The following RAB5C variants were observed in gnomAD, a reference collection of about 807,000 sequenced individuals.
The protein encoded by RAB5C is RAB5C, member RAS oncogene family, also known as ras-related protein Rab-5C.
A neutral mutation model predicts 25.2 loss-of-function variants in RAB5C; 4 were observed. The observed-to-expected ratio is 0.16, with a 90% CI of 0.08 to 0.36. The LOEUF (loss-of-function observed/expected upper bound fraction) is 0.36. Among genes scored for constraint, RAB5C ranks in the 10% least tolerant of loss-of-function variants. The pLI is 1.00. For synonymous variants in RAB5C, 100 were observed against 106.4 expected (o/e 0.94, Z 0.37); for missense variants, 199 against 283.8 (o/e 0.70, Z 2.15).
At chr17:42,132,927 A>G (rs2054500773) in intron 1 of RAB5C, among the ~76,000 whole-genome samples, 1 of 152,148 alleles carries the variant, frequency 6.6e-6, no homozygotes, top group African/African-American at 2.4e-5. Context: ...CAGACCCACC[A>G]TAGACATGAT....
rs1347498911 is a variant in RAB5C at position 42,150,161 on chromosome 17, A to T, written c.-89+4732T>A. Among the ~76,000 whole-genome samples, 2 of 151,986 alleles carry T rather than the reference A, an allele frequency of 1.3e-5. 1 individual carries two copies. Among genetic ancestry groups the T allele is most frequent in the African/African-American group, 4.8e-5 (2 of 41,390 alleles). On this transcript the variant is annotated intron_variant, in intron 1 of 5. Coordinates refer to ENST00000346213, the MANE Select transcript of RAB5C (RefSeq NM_004583.4). ...CAGCCTTCCAAAGTGCTAGGATTAT[A>T]GGCGTGATCCACCACACCTGGCCCC...
In RAB5C at chr17:42,128,989, G is replaced by T. The variant is rs528666960; in HGVS notation, c.167-189C>A. 9.0e-4 allele frequency among the ~76,000 whole-genome samples: 137 copies of T among 152,148 alleles called. 1 individual carries two copies. Among genetic ancestry groups the T allele is most frequent in the African/African-American group, 3.0e-3 (124 of 41,508 alleles). ...TGGATTTTTATGTATGTGTCTGGGG[G>T]ACGGGGTCTGCACAGGCTTTGCAGA... On this transcript the variant is annotated intron_variant, in intron 2 of 5. Transcript: ENST00000346213.
intron 1 of RAB5C, among the ~76,000 whole-genome samples, chr17:42,138,721 TCCA>T (rs2054562375): frequency 6.6e-6 from 1 of 152,120 alleles, no homozygotes; most frequent in African/African-American, 2.4e-5. Context: ...AGACACCAAC[TCCA>T]CCAATACCTG....
chr17:42,129,491 A>G (rs1023365423), intron 2 of RAB5C, among the ~76,000 whole-genome samples: 4 of 152,196 alleles, frequency 2.6e-5, no homozygotes, highest in African/African-American at 7.2e-5. Flanking sequence ...ACATGCTTCA[A>G]AGGAGGAGTC....
intron 1 of RAB5C, chr17:42,131,738 T>TTA (rs2054488518): frequency 7.8e-6 from 7 of 900,672 alleles, no homozygotes; most frequent in African/African-American, 1.7e-5. Flanking sequence ...AATCACTTGG[T>TTA]TAGTGACAGC....
intron 1 of RAB5C, among the ~76,000 whole-genome samples, chr17:42,153,961 G>C (rs1331378686): frequency 1.3e-5 from 2 of 152,214 alleles, no homozygotes; most frequent in Non-Finnish European, 2.9e-5. Flanking sequence ...TCAGGGAGGT[G>C]TATGTGTGTG....
chr17:42,137,523 G>A (rs1245300585), intron 1 of RAB5C, among the ~76,000 whole-genome samples: 1 of 152,150 alleles, frequency 6.6e-6, no homozygotes, highest in African/African-American at 2.4e-5. Context: ...GCTTGGAAAC[G>A]ATATGAATGC....
chr17:42,150,226 A>G (rs1198001168), intron 1 of RAB5C, among the ~76,000 whole-genome samples: 1 of 151,910 alleles, frequency 6.6e-6, no homozygotes, highest in Non-Finnish European at 1.5e-5. Flanking sequence ...CGATCCTCCC[A>G]AAGTGCTAGG....
rs59906037 is a variant in RAB5C at position 42,131,031 on chromosome 17, T to A, written c.-88-441A>T. On this transcript the variant is annotated intron_variant, in intron 1 of 5. Transcript: ENST00000346213. ...ATTTAGATCAATAATGAAGTTCCAG[T>A]CTGGTAGCCAGGACCACAGTGGTGA... 5.0e-3 allele frequency among the ~76,000 whole-genome samples: 768 copies of A among 152,196 alleles called. 3 individuals carry two copies. Among genetic ancestry groups the A allele is most frequent in the African/African-American group, 0.017 (700 of 41,534 alleles).
At chr17:42,126,193 A>G (rs1298413933) in intron 5 of RAB5C, among the ~76,000 whole-genome samples, 1 of 152,202 alleles carries the variant, frequency 6.6e-6, no homozygotes, top group South Asian at 2.1e-4. Context: ...TAGTGATGGC[A>G]GGCTCTGAAA....
intron 1 of RAB5C, among the ~76,000 whole-genome samples, chr17:42,132,013 TC>T (rs1233762788): frequency 6.6e-6 from 1 of 152,160 alleles, no homozygotes; most frequent in Non-Finnish European, 1.5e-5. Context: ...GAGTCTAAGA[TC>T]CCAGGGAGAG....
chr17:42,127,832 T>G (rs932427058), intron 4 of RAB5C, among the ~76,000 whole-genome samples: 3 of 151,388 alleles, frequency 2.0e-5, no homozygotes, highest in Non-Finnish European at 2.9e-5. Flanking sequence ...TGGCTGTTTT[T>G]TTTTTTTTTT....
chr17:42,134,339 A>G (rs1431478150), intron 1 of RAB5C, among the ~76,000 whole-genome samples: 1 of 152,208 alleles, frequency 6.6e-6, no homozygotes, highest in Non-Finnish European at 1.5e-5. Context: ...AATTATAGCC[A>G]AAACTGACAT....
intron 1 of RAB5C, among the ~76,000 whole-genome samples, chr17:42,133,151 G>A (rs149934353): frequency 1.2e-4 from 18 of 152,184 alleles, no homozygotes; most frequent in Non-Finnish European, 2.4e-4. Context: ...CAGGCAGGGC[G>A]ACAGCAACAG....
intron 1 of RAB5C, among the ~76,000 whole-genome samples, chr17:42,134,837 C>G (rs575581887): frequency 6.6e-6 from 1 of 152,296 alleles, no homozygotes; most frequent in South Asian, 2.1e-4. Flanking sequence ...TCCTAAACAC[C>G]CTGGCCCTGT....
intron 1 of RAB5C, chr17:42,131,532 C>T (rs2054486144): frequency 7.2e-7 from 1 of 1,395,854 alleles, no homozygotes; most frequent in Non-Finnish European, 9.8e-7. Flanking sequence ...AACAAACACA[C>T]ACAGAAACAC....
chr17:42,131,435 AAC>A (rs146594244), intron 1 of RAB5C, among the ~76,000 whole-genome samples: 195 of 148,526 alleles, frequency 1.3e-3, no homozygotes, highest in South Asian at 1.9e-3. Context: ...TACACACTGA[AAC>A]ACACACACAC....
intron 1 of RAB5C, among the ~76,000 whole-genome samples, chr17:42,144,727 G>C (rs2144091223): frequency 6.6e-6 from 1 of 151,966 alleles, no homozygotes; most frequent in East Asian, 1.9e-4. Flanking sequence ...AGGAGATCGA[G>C]ACCATCCTGC....
chr17:42,136,458 T>C (rs1424812410), intron 1 of RAB5C: 2 of 152,212 alleles, frequency 1.3e-5, no homozygotes, highest in Non-Finnish European at 2.9e-5. Flanking sequence ...GCTAGCAGGT[T>C]AGGACTTGGG....
Sources: gnomAD v4.1 joint callset for allele counts (sites outside exome capture counted in the v4.1 genomes callset) on GRCh38, gnomAD v4.1.1 for gene constraint, MANE v1.5 for transcripts, NCBI Gene and HGNC (gene_info 2026-07-23, HGNC 2026-07-21) for gene names.